The following METTL15 variants were observed in gnomAD, a reference collection of about 807,000 sequenced individuals.
The protein encoded by METTL15 is 12S rRNA N(4)-cytidine methyltransferase METTL15.
Under a neutral mutation model 38.3 loss-of-function variants are expected in METTL15, and 34 were observed. The observed-to-expected ratio is 0.89, with a 90% CI of 0.68 to 1.18. METTL15 has a LOEUF of 1.18. Ranked by LOEUF, METTL15 falls within the 50% of genes most tolerant of loss-of-function variation. The pLI, the probability that METTL15 is intolerant of heterozygous loss-of-function variation, is 0.00. For missense variants in METTL15, 438 were observed against 498.4 expected, an observed-to-expected ratio of 0.88 and a Z score of 1.15; for synonymous variants, 162 against 170.9, an observed-to-expected ratio of 0.95 and a Z score of 0.41.
chr11:28,450,662 GC>G, intron 6 of METTL15, among the ~76,000 whole-genome samples: 1 of 152,122 alleles, frequency 6.6e-6, no homozygotes, highest in Non-Finnish European at 1.5e-5. Flanking sequence ...TTAGTTTTGG[GC>G]TCCTTATTGG....
chr11:28,510,666 A>G (rs1851666578), intron 6 of METTL15, among the ~76,000 whole-genome samples: 1 of 152,192 alleles, frequency 6.6e-6, no homozygotes, highest in Non-Finnish European at 1.5e-5. Flanking sequence ...AGGTTTAGAG[A>G]GGTTGATGAC....
chr11:28,318,365 T>A (rs534493915), intron 6 of METTL15, among the ~76,000 whole-genome samples: 22 of 150,476 alleles, frequency 1.5e-4, no homozygotes, highest in South Asian at 6.3e-4. Flanking sequence ...TAATTTGATT[T>A]TATATATATA....
At chr11:28,475,340 T>C (rs1851336890) in intron 6 of METTL15, among the ~76,000 whole-genome samples, 1 of 149,862 alleles carries the variant, frequency 6.7e-6, no homozygotes, top group Non-Finnish European at 1.5e-5. Context: ...GTCACTTCTT[T>C]TTCTTTTTTA....
chr11:28,158,275 A>T (rs1850332715), intron 3 of METTL15, among the ~76,000 whole-genome samples: 1 of 152,114 alleles, frequency 6.6e-6, no homozygotes, highest in Non-Finnish European at 1.5e-5. Context: ...AGTGGATAGG[A>T]TGACCCGTTC....
intron 4 of METTL15, among the ~76,000 whole-genome samples, chr11:28,242,549 T>C (rs1854344607): frequency 6.6e-6 from 1 of 152,212 alleles, no homozygotes; most frequent in Non-Finnish European, 1.5e-5. Flanking sequence ...TATAAAGTCA[T>C]ATGGTAGTTT....
chr11:28,176,234 T>TA (rs768638087), intron 3 of METTL15, among the ~76,000 whole-genome samples: 1 of 152,166 alleles, frequency 6.6e-6, no homozygotes, highest in East Asian at 1.9e-4. Context: ...ATCCTGCTGT[T>TA]AAACTGTTAA....
intron 3 of METTL15, among the ~76,000 whole-genome samples, chr11:28,134,192 A>G (rs1304735110): frequency 6.6e-6 from 1 of 152,188 alleles, no homozygotes; most frequent in African/African-American, 2.4e-5. Flanking sequence ...CCACGTGGAC[A>G]TTGAAGAGCG....
chr11:28,277,736 G>A (rs371004048), intron 4 of METTL15, among the ~76,000 whole-genome samples: 1 of 151,928 alleles, frequency 6.6e-6, no homozygotes, highest in Non-Finnish European at 1.5e-5. Context: ...ATGGAATCAC[G>A]TCATTTGAAG....
chr11:28,528,379 C>T (rs976586609), downstream of METTL15, among the ~76,000 whole-genome samples: 2 of 152,172 alleles, frequency 1.3e-5, no homozygotes, highest in African/African-American at 4.8e-5. Flanking sequence ...CATAATAAAA[C>T]AGCATTTCTC....
At position 28,340,328 on chromosome 11, in the gene METTL15, G is replaced by A. The variant is rs114441998; in HGVS notation, c.*190-11762G>A. 2.6e-3 allele frequency among the ~76,000 whole-genome samples: 394 copies of A among 152,174 alleles called. 4 individuals are homozygous for A. The highest frequency in any genetic ancestry group is 8.7e-3 in the African/African-American group (362 of 41,548). ...TAAAAAATAAGCTACATAGTCCGAT[G>A]TGCCCTCTCTATAAAAATTTTTGCT... On this transcript the variant is annotated intron_variant and NMD_transcript_variant, in intron 3 of 7. Coordinates refer to the METTL15 transcript ENST00000532947.
intron 3 of METTL15, among the ~76,000 whole-genome samples, chr11:28,140,008 C>T (rs1054458221): frequency 6.6e-5 from 10 of 152,138 alleles, no homozygotes; most frequent in African/African-American, 2.2e-4. Flanking sequence ...CTCATTCCTG[C>T]CCCATGTGGC....
At chr11:28,308,794 C>A (rs1363548407) in intron 6 of METTL15, among the ~76,000 whole-genome samples, 1 of 152,008 alleles carries the variant, frequency 6.6e-6, no homozygotes, top group Non-Finnish European at 1.5e-5. Context: ...CCACTGTTTA[C>A]CATATGTGAG....
intron 4 of METTL15, among the ~76,000 whole-genome samples, chr11:28,279,583 C>T (rs1437878888): frequency 6.6e-6 from 1 of 152,036 alleles, no homozygotes; most frequent in East Asian, 1.9e-4. Flanking sequence ...CTTTGGTGAT[C>T]ACAACCTACA....
intron 4 of METTL15, among the ~76,000 whole-genome samples, chr11:28,354,083 T>G (rs1259195586): frequency 6.6e-6 from 1 of 152,084 alleles, no homozygotes; most frequent in Non-Finnish European, 1.5e-5. Context: ...GAAATGAGAC[T>G]ACAGAACGTA....
intron 4 of METTL15, among the ~76,000 whole-genome samples, chr11:28,264,197 A>G (rs955495779): frequency 1.3e-5 from 2 of 152,102 alleles, no homozygotes; most frequent in Non-Finnish European, 1.5e-5. Context: ...TTAATTCTCC[A>G]GTATAATATT....
At chr11:28,467,010 G>C (rs890635651) in intron 6 of METTL15, among the ~76,000 whole-genome samples, 3 of 152,158 alleles carry the variant, frequency 2.0e-5, no homozygotes, top group Non-Finnish European at 4.4e-5. Flanking sequence ...CATGAATTCT[G>C]GTGGCCTGGC....
At chr11:28,481,610 T>G (rs1851395907) in intron 6 of METTL15, among the ~76,000 whole-genome samples, 1 of 152,050 alleles carries the variant, frequency 6.6e-6, no homozygotes. Context: ...AGGCATAATA[T>G]CCCCTCAAGT....
chr11:28,404,932 G>C (rs1391317059), intron 5 of METTL15, among the ~76,000 whole-genome samples: 1 of 152,090 alleles, frequency 6.6e-6, no homozygotes, highest in Non-Finnish European at 1.5e-5. Flanking sequence ...TTATGATTAT[G>C]TCAGAGCTTA....
intron 5 of METTL15, among the ~76,000 whole-genome samples, chr11:28,362,323 T>TC (rs1382481480): frequency 3.3e-5 from 5 of 152,178 alleles, no homozygotes; most frequent in Non-Finnish European, 4.4e-5. Flanking sequence ...CCTACTGCTT[T>TC]CTTTTTTTTA....
Sources: gnomAD v4.1 joint callset for allele counts (sites outside exome capture counted in the v4.1 genomes callset) on GRCh38, gnomAD v4.1.1 for gene constraint, MANE v1.5 for transcripts, NCBI Gene and HGNC (gene_info 2026-07-23, HGNC 2026-07-21) for gene names.